The following RALGPS1 variants were observed in gnomAD, a reference collection of about 807,000 sequenced individuals.
RALGPS1 encodes Ral GEF with PH domain and SH3 binding motif 1, also known as ras-specific guanine nucleotide-releasing factor RalGPS1.
A neutral mutation model predicts 78.8 loss-of-function variants in RALGPS1; 19 were observed. The observed-to-expected ratio is 0.24, with a 90% CI of 0.17 to 0.35. RALGPS1 has a LOEUF of 0.35. Ranked by LOEUF, RALGPS1 falls within the 10% of genes least tolerant of loss-of-function variation. RALGPS1 has a pLI of 1.00. For synonymous variants in RALGPS1, 228 were observed against 256.3 expected, an observed-to-expected ratio of 0.89 and a Z score of 1.06; for missense variants, 454 against 688.3, an observed-to-expected ratio of 0.66 and a Z score of 3.81.
chr9:127,129,856 C>A (rs2056887969), intron 8 of RALGPS1, among the ~76,000 whole-genome samples: 1 of 152,182 alleles, frequency 6.6e-6, no homozygotes, highest in African/African-American at 2.4e-5. Context: ...GGCCTGCAAC[C>A]CTGGAGGGCA....
chr9:127,209,699 C>T (rs1011187825), intron 14 of RALGPS1, among the ~76,000 whole-genome samples: 3 of 152,064 alleles, frequency 2.0e-5, no homozygotes, highest in Non-Finnish European at 2.9e-5. Context: ...ACAGTGGACC[C>T]GAGATGGCCA....
At chr9:126,951,167 C>T (rs1235202760) in intron 1 of RALGPS1, among the ~76,000 whole-genome samples, 1 of 151,192 alleles carries the variant, frequency 6.6e-6, no homozygotes, top group African/African-American at 2.4e-5. Flanking sequence ...GAAATTGTGG[C>T]AATAATCAAT....
Position 127,093,805 on chromosome 9 carries a change from G to A in RALGPS1, c.610+24449G>A, listed in dbSNP as rs767101270. On this transcript the variant is annotated intron_variant, in intron 8 of 18. Coordinates refer to ENST00000259351, the MANE Select transcript of RALGPS1 (RefSeq NM_014636.3). Reference sequence around the variant, plus strand: ...GTCTCTGGATGACGGTCCAGCCCCCGGGGTCGTGTCTCTGGTCGCACCACA... The same window carrying A: ...GTCTCTGGATGACGGTCCAGCCCCCAGGGTCGTGTCTCTGGTCGCACCACA... 38 of 1,613,876 alleles carry A rather than the reference G, an allele frequency of 2.4e-5. No homozygotes were observed. The East Asian group carries it at 7.1e-4, about 30-fold the overall frequency.
At chr9:127,100,067 T>C (rs1187187420) in intron 8 of RALGPS1, among the ~76,000 whole-genome samples, 1 of 152,274 alleles carries the variant, frequency 6.6e-6, no homozygotes, top group African/African-American at 2.4e-5. Context: ...TGTTAAATTT[T>C]GTCTTCATGA....
intron 4 of RALGPS1, among the ~76,000 whole-genome samples, chr9:127,024,539 C>T (rs1391874154): frequency 6.6e-6 from 1 of 151,796 alleles, no homozygotes; most frequent in Non-Finnish European, 1.5e-5. Context: ...CTTAGGTGGA[C>T]TCTTAAAGTT....
intron 14 of RALGPS1, among the ~76,000 whole-genome samples, chr9:127,199,485 C>G (rs1017901184): frequency 6.7e-6 from 1 of 148,670 alleles, no homozygotes; most frequent in Non-Finnish European, 1.5e-5. Flanking sequence ...TTGACCCCCA[C>G]CCTGCTAGGC....
intron 8 of RALGPS1, among the ~76,000 whole-genome samples, chr9:127,146,592 G>A (rs900704876): frequency 1.3e-5 from 2 of 149,068 alleles, no homozygotes; most frequent in African/African-American, 5.0e-5. Context: ...CATCTAGGCT[G>A]GAGTGCAGTG....
At chr9:126,979,378 A>T (rs944337818) in intron 4 of RALGPS1, among the ~76,000 whole-genome samples, 1 of 151,642 alleles carries the variant, frequency 6.6e-6, no homozygotes, top group Non-Finnish European at 1.5e-5. Context: ...ATGTGGTATG[A>T]TCCATTATTT....
At chr9:127,174,969 C>T (rs1414457239) in intron 11 of RALGPS1, among the ~76,000 whole-genome samples, 187 bp downstream of exon 11, 1 of 152,184 alleles carries the variant, frequency 6.6e-6, no homozygotes, top group Non-Finnish European at 1.5e-5. Context: ...TCTGTGGTTC[C>T]CCTCTGTGCC....
chr9:127,034,433 A>C lies in RALGPS1; in HGVS notation c.219A>C (p.Glu73Asp). The C allele has an allele frequency of 6.2e-7, 1 of 1,614,004 alleles. No homozygotes were observed. Among genetic ancestry groups the C allele is most frequent in the Non-Finnish European group, 8.5e-7 (1 of 1,179,870 alleles). The change falls in exon 5 of 19, where the codon GAA becomes GAC. Residue 73 changes from glutamate (E) to aspartate (D), a missense_variant and splice_region_variant. By Grantham distance (45) the Glu-to-Asp change is conservative (BLOSUM62 2). Transcript: ENST00000259351. ...GAAATTCATTCTGTGCTTCCTAGGA[A>C]CTAGCCAGCTGTGGATGGAGTAAGA... Reference protein sequence around the residue: ...IPVFKAIQPEELASCGWSKKE... With the variant: ...IPVFKAIQPEDLASCGWSKKE...
intron 11 of RALGPS1, among the ~76,000 whole-genome samples, chr9:127,179,855 C>T (rs2060108878): frequency 6.6e-6 from 1 of 152,212 alleles, no homozygotes; most frequent in African/African-American, 2.4e-5. Context: ...TTGACAGTGG[C>T]CCAGGTCTCG....
intron 4 of RALGPS1, among the ~76,000 whole-genome samples, chr9:127,003,014 A>G (rs1211317898): frequency 2.0e-5 from 3 of 152,164 alleles, no homozygotes; most frequent in Non-Finnish European, 4.4e-5. Flanking sequence ...TCCCTGAGGA[A>G]TCGCCACACT....
At chr9:127,038,958 A>C (rs1262855668) in intron 5 of RALGPS1, among the ~76,000 whole-genome samples, 1 of 152,210 alleles carries the variant, frequency 6.6e-6, no homozygotes, top group East Asian at 1.9e-4. Flanking sequence ...GGGCAGTCCC[A>C]TCCTTGAGAC....
intron 14 of RALGPS1, among the ~76,000 whole-genome samples, chr9:127,207,147 G>A (rs573651004): frequency 1.3e-5 from 2 of 151,572 alleles, no homozygotes; most frequent in Non-Finnish European, 2.9e-5. Context: ...CACTTTTACT[G>A]TCACCACCAC....
At chr9:126,999,433 C>T (rs993422019) in intron 4 of RALGPS1, among the ~76,000 whole-genome samples, 3 of 152,200 alleles carry the variant, frequency 2.0e-5, no homozygotes, top group Non-Finnish European at 2.9e-5. Flanking sequence ...ATTATAGTGT[C>T]ATACAGAATA....
intron 11 of RALGPS1, among the ~76,000 whole-genome samples, chr9:127,188,056 C>A (rs956249644): frequency 2.4e-5 from 2 of 81,668 alleles, no homozygotes; most frequent in African/African-American, 4.8e-5. Flanking sequence ...GAATTAGAGC[C>A]TTTTTTTTTT....
At chr9:127,078,762 T>G (rs2136085692) in intron 8 of RALGPS1, among the ~76,000 whole-genome samples, 1 of 152,284 alleles carries the variant, frequency 6.6e-6, no homozygotes, top group South Asian at 2.1e-4. Flanking sequence ...AGAAAAAGTG[T>G]TTTCATGGTA....
intron 4 of RALGPS1, among the ~76,000 whole-genome samples, chr9:127,013,104 A>T (rs780943410): frequency 5.9e-5 from 9 of 152,192 alleles, no homozygotes; most frequent in Non-Finnish European, 1.3e-4. Flanking sequence ...AGATAGCGAG[A>T]AATGGCATTT....
chr9:127,164,857 T>C (rs542077834), intron 8 of RALGPS1, among the ~76,000 whole-genome samples: 1 of 152,176 alleles, frequency 6.6e-6, no homozygotes, highest in Non-Finnish European at 1.5e-5. Context: ...TTGTTAACGT[T>C]GTTACTGTAA....
Sources: allele counts gnomAD v4.1 joint callset (sites outside exome capture counted in the v4.1 genomes callset), GRCh38; gene constraint gnomAD v4.1.1; transcripts MANE v1.5; gene names NCBI Gene and HGNC (gene_info 2026-07-23, HGNC 2026-07-21).